The following C1orf54 variants were observed in gnomAD, a reference collection of about 807,000 sequenced individuals.
C1orf54 encodes uncharacterized protein C1orf54.
C1orf54 carries 12 observed loss-of-function variants against 14.7 expected under a neutral mutation model. The observed-to-expected ratio is 0.82, with a 90% confidence interval of 0.52 to 1.32. The LOEUF (loss-of-function observed/expected upper bound fraction) is 1.32, where lower values mean the gene tolerates loss of function less well. Ranked by LOEUF, C1orf54 falls within the 40% of genes most tolerant of loss-of-function variation. C1orf54 has a pLI of 0.00. For missense variants in C1orf54, 163 were observed against 162.2 expected, an observed-to-expected ratio of 1.00 and a Z score of -0.03; for synonymous variants, 65 against 56.3, an observed-to-expected ratio of 1.16 and a Z score of -0.70.
In C1orf54 at chr1:150,274,171, G is replaced by C. The variant is rs781829891; in HGVS notation, c.130+1G>C. 6.2e-7 allele frequency: 1 copy of C among 1,603,004 alleles called. No individual in the cohort carries two copies. Among genetic ancestry groups the C allele is most frequent in the Admixed American group, 1.7e-5 (1 of 59,986 alleles). On this transcript the variant is annotated splice_donor_variant, in intron 2 of 5. Transcript: ENST00000369099. LOFTEE classifies it high-confidence loss of function. The stretch of plus-strand genomic sequence containing the variant: ...TATTATACAGTCACCCCCAGTTATG[G>C]TGAGTACATGAAAGGCTCTTGCCCT...
rs587655052 is a variant in C1orf54, at chr1:150,277,334, C to T, written c.300+702C>T. Among the ~76,000 whole-genome samples, 6 of 151,852 alleles carry T rather than the reference C, an allele frequency of 4.0e-5. No homozygotes were observed. In the East Asian group the frequency reaches 1.2e-3, roughly 29 times the overall value. The stretch of plus-strand genomic sequence containing the variant: ...ATGGCCAACATGGTGGAAACCCCAT[C>T]TCTACTAAAAATACAAAAGTTAGCC... On this transcript the variant is annotated intron_variant, in intron 4 of 5. Coordinates refer to ENST00000369099, the MANE Select transcript of C1orf54 (RefSeq NM_024579.4).
At chr1:150,269,405 G>C (rs1435109218), upstream of C1orf54, 1 of 154,122 alleles carries the variant, frequency 6.5e-6, no homozygotes, top group East Asian at 1.9e-4. Context: ...ACTTGAATGA[G>C]AGGAAATGGG....
At chr1:150,270,715 A>G (rs910953357), upstream of C1orf54, among the ~76,000 whole-genome samples, 23 of 150,460 alleles carry the variant, frequency 1.5e-4, no homozygotes, top group African/African-American at 5.4e-4. Flanking sequence ...CTAAGAGGGT[A>G]GCTGGGCGCA....
chr1:150,269,772 T>TA (rs1377306672), upstream of C1orf54, among the ~76,000 whole-genome samples: 1 of 152,130 alleles, frequency 6.6e-6, no homozygotes, highest in Non-Finnish European at 1.5e-5. Flanking sequence ...GAATGAAAGT[T>TA]AAAGTAGGCT....
chr1:150,273,792 G>A (rs1270182651), intron 1 of C1orf54, among the ~76,000 whole-genome samples: 2 of 152,054 alleles, frequency 1.3e-5, no homozygotes, highest in Non-Finnish European at 2.9e-5. Context: ...ACCTTTTTTA[G>A]GTCTGGTTCT....
At chr1:150,269,130 G>T, upstream of C1orf54, 1 of 278,096 alleles carries the variant, frequency 3.6e-6, no homozygotes, top group South Asian at 3.8e-5. Context: ...AGTTGTAGTC[G>T]CCTTCCGAGG....
At chr1:150,279,160 A>C (rs1652904050) in intron 4 of C1orf54, among the ~76,000 whole-genome samples, 1 of 152,196 alleles carries the variant, frequency 6.6e-6, no homozygotes, top group African/African-American at 2.4e-5. Context: ...AATCTCAGCT[A>C]CTTGGGAGGC....
At chr1:150,269,186 G>C (rs1572092347), upstream of C1orf54, 2 of 223,846 alleles carry the variant, frequency 8.9e-6, no homozygotes, top group South Asian at 1.1e-4. Context: ...AATGGGGGTG[G>C]GCCGGGAATG....
intron 2 of C1orf54, among the ~76,000 whole-genome samples, chr1:150,275,031 T>C (rs1652530155): frequency 9.7e-6 from 1 of 102,960 alleles, no homozygotes; most frequent in Non-Finnish European, 1.9e-5. Context: ...ACCTTGTCTC[T>C]ATAGAAAAAA....
At chr1:150,271,139 G>C (rs1553851229), upstream of C1orf54, among the ~76,000 whole-genome samples, 1 of 151,532 alleles carries the variant, frequency 6.6e-6, no homozygotes, top group African/African-American at 2.4e-5. Context: ...TTGAGATGGA[G>C]TCTCACTCTG....
chr1:150,279,559 G>A, intron 4 of C1orf54, 84 bp from the exon 5 acceptor site: 4 of 1,215,216 alleles, frequency 3.3e-6, no homozygotes, highest in Admixed American at 2.2e-5. Flanking sequence ...TTGTAAAGAG[G>A]TGGCAGTCTT....
chr1:150,275,673 C>T (rs1652590561), intron 2 of C1orf54, 68 bp from the exon 3 acceptor site: 2 of 1,271,530 alleles, frequency 1.6e-6, no homozygotes, highest in Non-Finnish European at 2.3e-6. Context: ...TAATTTCTTC[C>T]CTTTTCATTT....
Position 150,274,179 on chromosome 1 carries a change from A to G in C1orf54, c.130+9A>G, listed in dbSNP as rs1025313715. 20 of 1,593,964 alleles carry G rather than the reference A, an allele frequency of 1.3e-5. No individual in the cohort carries two copies. Among genetic ancestry groups the G allele is most frequent in the Non-Finnish European group, 1.7e-5 (20 of 1,161,874 alleles). On this transcript the variant is annotated intron_variant, in intron 2 of 5. Transcript: ENST00000369099. Reference sequence around the variant, plus strand: ...AGTCACCCCCAGTTATGGTGAGTACATGAAAGGCTCTTGCCCTTAGCCAAC... The same window carrying G: ...AGTCACCCCCAGTTATGGTGAGTACGTGAAAGGCTCTTGCCCTTAGCCAAC...
chr1:150,271,773 T>C (rs1212708089), upstream of C1orf54, among the ~76,000 whole-genome samples: 1 of 152,176 alleles, frequency 6.6e-6, no homozygotes, highest in Non-Finnish European at 1.5e-5. Flanking sequence ...AGGGAAGGTG[T>C]GGCACCTGTA....
chr1:150,271,478 A>G (rs1652203580), upstream of C1orf54, among the ~76,000 whole-genome samples: 1 of 152,202 alleles, frequency 6.6e-6, no homozygotes, highest in African/African-American at 2.4e-5. Flanking sequence ...TATCTTGTTC[A>G]TGGGTGTTTC....
intron 5 of C1orf54, 129 bp downstream of exon 5, chr1:150,279,870 G>A: frequency 1.2e-6 from 1 of 800,150 alleles, no homozygotes; most frequent in Non-Finnish European, 2.0e-6. Context: ...ATCAGCCACT[G>A]AAGGAAGAGA....
At chr1:150,268,778 G>A (rs1441398462), upstream of C1orf54, 1 of 1,613,770 alleles carries the variant, frequency 6.2e-7, no homozygotes, top group Non-Finnish European at 8.5e-7. Context: ...CGAACGCGAC[G>A]AAAGTGCAGC....
In C1orf54 at chr1:150,274,454, G is replaced by C. The variant is rs71622686; in HGVS notation, c.130+284G>C. On this transcript the variant is annotated intron_variant, in intron 2 of 5. Transcript: ENST00000369099. ...TCTCTACTAAAAATACAAAAAATTA[G>C]CCGGGTGTGGTGGCGGGTGCCTGCA... Among the ~76,000 whole-genome samples, 8 of 151,836 alleles carry C rather than the reference G, an allele frequency of 5.3e-5. No homozygotes were observed. In the South Asian group the frequency reaches 1.7e-3, roughly 32 times the overall value.
At chr1:150,268,787 G>C (rs782733585), upstream of C1orf54, 21 of 1,613,562 alleles carry the variant, frequency 1.3e-5, 1 homozygote, top group South Asian at 2.3e-4. Flanking sequence ...CGAAAGTGCA[G>C]CCGAAAAACA....
Sources: allele counts gnomAD v4.1 joint callset (sites outside exome capture counted in the v4.1 genomes callset), GRCh38; gene constraint gnomAD v4.1.1; transcripts MANE v1.5; gene names NCBI Gene and HGNC (gene_info 2026-07-23, HGNC 2026-07-21).